RUBCNL: variants seen among roughly 807,000 people sequenced by gnomAD.
RUBCNL encodes the protein rubicon like autophagy enhancer.
RUBCNL carries 62 observed loss-of-function variants against 69.5 expected under a neutral mutation model. The observed-to-expected ratio is 0.89, with a 90% CI of 0.73 to 1.10. The LOEUF is 1.10. RUBCNL is among the 50% of genes least tolerant of loss of function. RUBCNL has a pLI of 0.00. For synonymous variants in RUBCNL, 291 were observed against 303.6 expected (o/e 0.96, Z 0.43); for missense variants, 768 against 798.1 (o/e 0.96, Z 0.45).
chr13:46,365,467 C>T (rs1273391578), intron 5 of RUBCNL, among the ~76,000 whole-genome samples: 1 of 152,158 alleles, frequency 6.6e-6, no homozygotes, highest in East Asian at 1.9e-4. Context: ...ATGCAGATGG[C>T]ACTGGAGCAT....
intron 9 of RUBCNL, among the ~76,000 whole-genome samples, chr13:46,356,780 T>C (rs146531842): frequency 4.1e-4 from 62 of 152,164 alleles, no homozygotes; most frequent in African/African-American, 1.3e-3. Context: ...CATAGTTCAC[T>C]ACTGCCTCAA....
Position 46,370,581 on chromosome 13 carries a change from G to A in RUBCNL, c.535+1360C>T, listed in dbSNP as rs552101622. On this transcript the variant is annotated intron_variant, in intron 3 of 14. Transcript: ENST00000429979. Reference sequence around the variant, plus strand: ...AAACATTCCGTGAGTTGTTTCTAAAGGCACTGACAGGAGCTGTTGGGAGTC... The same window carrying A: ...AAACATTCCGTGAGTTGTTTCTAAAAGCACTGACAGGAGCTGTTGGGAGTC... Among the ~76,000 whole-genome samples the A allele has an allele frequency of 2.9e-4, 44 of 152,326 alleles. 1 individual carries two copies. The South Asian group carries it at 6.4e-3, about 22-fold the overall frequency.
Position 46,345,474 on chromosome 13 carries a change from A to G in RUBCNL, c.1758T>C (p.Ala586=). 2 of 1,575,610 alleles carry G rather than the reference A, an allele frequency of 1.3e-6. No homozygotes were observed. Among genetic ancestry groups the G allele is most frequent in the Non-Finnish European group, 1.7e-6 (2 of 1,160,806 alleles). The change falls in exon 13 of 15, where the codon GCT becomes GCC. Residue 586 remains alanine, a synonymous_variant. Coordinates refer to ENST00000429979, the MANE Select transcript of RUBCNL (RefSeq NM_025113.5). ...CACAGCCAGCCACATGTGCAAGGGA[A>G]GCTTTCAGAATGTCCTTGAGTAAGG... The part of the protein sequence containing the change: ...LAPLLKDILK[A]SLAHVAGCEL...
At chr13:46,367,493 GAACAA>G (rs966222904) in intron 5 of RUBCNL, among the ~76,000 whole-genome samples, 21 of 152,254 alleles carry the variant, frequency 1.4e-4, no homozygotes, top group African/African-American at 4.3e-4. Flanking sequence ...AAGATTAAAA[GAACAA>G]AACAAAACAA....
chr13:46,387,637 A>C (rs1160789323), upstream of RUBCNL: 2 of 985,546 alleles, frequency 2.0e-6, no homozygotes, highest in African/African-American at 1.7e-5. Context: ...AAGAATGAGT[A>C]ATCTGGATGA....
chr13:46,388,297 G>A (rs1396682211), upstream of RUBCNL, among the ~76,000 whole-genome samples: 1 of 148,064 alleles, frequency 6.8e-6, no homozygotes, highest in African/African-American at 2.5e-5. Flanking sequence ...AAGGGAGGGA[G>A]GGAGGGAAGA....
chr13:46,348,277 G>A (rs961732092), intron 12 of RUBCNL, among the ~76,000 whole-genome samples: 25 of 152,258 alleles, frequency 1.6e-4, no homozygotes, highest in African/African-American at 5.3e-4. Context: ...ATTGCATAAC[G>A]ATGTTAATAC....
intron 9 of RUBCNL, among the ~76,000 whole-genome samples, chr13:46,359,156 A>G (rs1361441713): frequency 6.6e-6 from 1 of 152,050 alleles, no homozygotes; most frequent in African/African-American, 2.4e-5. Flanking sequence ...ATTATTGTAT[A>G]TAATTTTTAA....
In RUBCNL at chr13:46,350,118, C is replaced by T. The variant is rs559842833; in HGVS notation, c.1564G>A (p.Val522Met). ...LYAKAKELDRVKEIQEQLFHI... is the reference protein window; with the variant it reads ...LYAKAKELDRMKEIQEQLFHI... Reference sequence around the variant, plus strand: ...GGGTTGGGGCTGCGGCTCACCTTCACTCTGTCCAGCTCCTTGGCTTTCGCA... The same window carrying T: ...GGGTTGGGGCTGCGGCTCACCTTCATTCTGTCCAGCTCCTTGGCTTTCGCA... The change falls in exon 11 of 15, where the codon GTG becomes ATG. Residue 522 changes from valine to methionine, a missense_variant. By Grantham distance (21) the Val-to-Met change is conservative. Transcript: ENST00000429979. 5.1e-6 allele frequency: 8 copies of T among 1,557,748 alleles called. No individual in the cohort carries two copies. In the South Asian group the frequency reaches 9.4e-5, roughly 18 times the overall value.
intron 10 of RUBCNL, among the ~76,000 whole-genome samples, chr13:46,351,821 C>T (rs2048374682): frequency 7.2e-6 from 1 of 139,490 alleles, no homozygotes; most frequent in African/African-American, 2.8e-5. Flanking sequence ...AATTTTTGCT[C>T]TTTACACTTT....
At chr13:46,344,979 G>A in intron 13 of RUBCNL, 148 bp from the exon 14 acceptor site, 2 of 610,892 alleles carry the variant, frequency 3.3e-6, no homozygotes. Flanking sequence ...AGCAATGAAT[G>A]GGTCAGAATC....
At chr13:46,347,909 C>T (rs2048283005) in intron 12 of RUBCNL, among the ~76,000 whole-genome samples, 1 of 152,040 alleles carries the variant, frequency 6.6e-6, no homozygotes, top group Non-Finnish European at 1.5e-5. Context: ...AGGAGACTGG[C>T]GTGAACCCGG....
At chr13:46,355,217 C>G (rs1158277991) in intron 10 of RUBCNL, among the ~76,000 whole-genome samples, 1 of 151,908 alleles carries the variant, frequency 6.6e-6, no homozygotes, top group African/African-American at 2.4e-5. Flanking sequence ...GTCAGACATA[C>G]AGGTACCATC....
intron 1 of RUBCNL, among the ~76,000 whole-genome samples, chr13:46,384,756 A>C (rs903053699): frequency 1.3e-5 from 2 of 152,214 alleles, no homozygotes; most frequent in Non-Finnish European, 2.9e-5. Context: ...TTGAATCTGA[A>C]ACTTTTCTTT....
In RUBCNL at chr13:46,342,425, A is replaced by G. The variant is rs2048158035; in HGVS notation, c.*960T>C. 6.6e-6 allele frequency: 1 copy of G among 152,220 alleles called. No homozygotes were observed. The highest frequency in any genetic ancestry group is 2.1e-4 in the South Asian group (1 of 4,830). 9.4% of individuals were successfully genotyped at this position (152,220 alleles called of 1,614,324 possible). On this transcript the variant is annotated 3_prime_UTR_variant, in exon 15 of 15. Transcript: ENST00000429979. Reference sequence around the variant, plus strand: ...CTTTCTCAAGTGGGAGAAAGTATATAGAAAGTAGAAGAAAAAAGAATAGGC... The same window carrying G: ...CTTTCTCAAGTGGGAGAAAGTATATGGAAAGTAGAAGAAAAAAGAATAGGC...
chr13:46,352,455 G>A lies in RUBCNL; in HGVS notation c.1331-2104C>T, dbSNP rs1361936657. 2.6e-5 allele frequency among the ~76,000 whole-genome samples: 4 copies of A among 152,346 alleles called. No homozygotes were observed. In the East Asian group the frequency reaches 7.7e-4, roughly 29 times the overall value. On this transcript the variant is annotated intron_variant, in intron 10 of 14. Transcript: ENST00000429979. ...AATCATGGATGGGAAAGCAGCTGCT[G>A]TAGAACCCGTACACTGTAGATTCTG...
chr13:46,366,158 T>C (rs1347122842), intron 5 of RUBCNL, among the ~76,000 whole-genome samples: 1 of 152,216 alleles, frequency 6.6e-6, no homozygotes, highest in African/African-American at 2.4e-5. Flanking sequence ...TTCTCCCTAC[T>C]GGTAGCCTCA....
chr13:46,388,520 A>T (rs2049299178), upstream of RUBCNL, among the ~76,000 whole-genome samples: 1 of 149,592 alleles, frequency 6.7e-6, no homozygotes, highest in Non-Finnish European at 1.5e-5. Flanking sequence ...AGTAGAAAGG[A>T]AGGAAGGAAG....
chr13:46,386,674 G>A (rs2049254648), intron 1 of RUBCNL, among the ~76,000 whole-genome samples: 1 of 152,302 alleles, frequency 6.6e-6, no homozygotes, highest in Non-Finnish European at 1.5e-5. Flanking sequence ...CTCCAGCCTA[G>A]CTCAGTTATG....
Sources: allele counts gnomAD v4.1 joint callset (sites outside exome capture counted in the v4.1 genomes callset), GRCh38; gene constraint gnomAD v4.1.1; transcripts MANE v1.5; gene names NCBI Gene and HGNC (gene_info 2026-07-23, HGNC 2026-07-21).